Variants in TSPAN6 observed in about 807,000 individuals in gnomAD.
TSPAN6 encodes the protein tetraspanin-6.
TSPAN6 carries 13 observed loss-of-function variants against 18.0 expected under a neutral mutation model. The ratio of observed to expected loss-of-function variants is 0.72; its 90% CI spans 0.47 to 1.15. The LOEUF is 1.15. Among genes scored for constraint, TSPAN6 ranks in the 50% most tolerant of loss-of-function variants. The pLI, the probability that TSPAN6 is intolerant of heterozygous loss-of-function variation, is 0.00. For missense variants in TSPAN6, 186 were observed against 183.9 expected (o/e 1.01, Z -0.07); for synonymous variants, 82 against 67.0 (o/e 1.22, Z -1.09).
intron 7 of TSPAN6, among the ~76,000 whole-genome samples, 189 bp from the exon 8 acceptor site, chrX:100,630,175 C>T (rs190968005): frequency 9.0e-6 from 1 of 111,694 alleles, no homozygotes; most frequent in African/African-American, 3.3e-5. Context: ...AGTATTTTAC[C>T]AGTCAAATAC....
intron 7 of TSPAN6, among the ~76,000 whole-genome samples, chrX:100,630,321 G>A (rs2083050486): frequency 8.9e-6 from 1 of 112,089 alleles, no homozygotes. Context: ...TTAAGATTGT[G>A]GTAAATGAAA....
chrX:100,636,133 G>A, intron 1 of TSPAN6: 2 of 781,936 alleles, frequency 2.6e-6, no homozygotes, highest in Non-Finnish European at 3.1e-6. Flanking sequence ...ACAAAGGACT[G>A]GTACACAAAA....
In TSPAN6 at chrX:100,627,731, G is replaced by A. The variant is rs1405470470; in HGVS notation, c.*2295C>T. On this transcript the variant is annotated 3_prime_UTR_variant, in exon 8 of 8. Coordinates refer to ENST00000373020, the MANE Select transcript of TSPAN6 (RefSeq NM_003270.4). Reference sequence around the variant, plus strand: ...AAATAAACAAACCAATCCACCTGACGAGTGATGTGTGGTGTTTTTCCTCTT... The same window carrying A: ...AAATAAACAAACCAATCCACCTGACAAGTGATGTGTGGTGTTTTTCCTCTT... 3.6e-5 allele frequency: 4 copies of A among 111,532 alleles called. No individual in the cohort carries two copies. The East Asian group carries it at 8.4e-4, about 23-fold the overall frequency. The allele number at this position is 111,532 out of a possible 1,213,427, so 9.2% of individuals were successfully genotyped here. A position where few individuals can be genotyped will look rare whatever the true frequency, so the allele number is the denominator to read the frequency against.
At chrX:100,632,124 G>A in intron 6 of TSPAN6, 2 of 155,989 alleles carry the variant, frequency 1.3e-5, no homozygotes, top group Non-Finnish European at 2.4e-5. Flanking sequence ...TGAAAATCTC[G>A]CTGCATGCAG....
intron 3 of TSPAN6, among the ~76,000 whole-genome samples, chrX:100,634,522 C>T (rs1184804578): frequency 1.8e-5 from 2 of 109,756 alleles, no homozygotes; most frequent in Non-Finnish European, 3.8e-5. Flanking sequence ...GATGGAGTCT[C>T]GCTCTGCTGC....
In TSPAN6 at chrX:100,636,742, A is replaced by G. The variant is rs1223209647; in HGVS notation, c.-48T>C. On this transcript the variant is annotated 5_prime_UTR_variant, in exon 1 of 8. Coordinates refer to ENST00000373020, the MANE Select transcript of TSPAN6 (RefSeq NM_003270.4). ...ACCGCACCGGGCGATTGGAACACAG[A>G]GAGCGAGACGCGGAGTCCCCGAGTC... 8.7e-7 allele frequency: 1 copy of G among 1,151,195 alleles called. No homozygotes were observed. The highest frequency in any genetic ancestry group is 3.2e-5 in the East Asian group (1 of 31,507). 94.9% of individuals were successfully genotyped at this position (1,151,195 alleles called of 1,213,427 possible). A position where few individuals can be genotyped will look rare whatever the true frequency, so the allele number is the denominator to read the frequency against.
rs770427652 is a variant in TSPAN6, at chrX:100,629,857, T to C, written c.*169A>G. 1.4e-4 allele frequency: 39 copies of C among 282,165 alleles called. No homozygotes were observed. Among genetic ancestry groups the C allele is most frequent in the African/African-American group, 1.1e-3 (37 of 34,235 alleles). 23.3% of individuals were successfully genotyped at this position (282,165 alleles called of 1,213,427 possible). A position where few individuals can be genotyped will look rare whatever the true frequency, so the allele number is the denominator to read the frequency against. ...GATCTTGATTGAATCAGCCTATTGG[T>C]GTAGTTTTAGGTCTACATACATCTT... On this transcript the variant is annotated 3_prime_UTR_variant, in exon 8 of 8. Coordinates refer to ENST00000373020, the MANE Select transcript of TSPAN6 (RefSeq NM_003270.4).
At chrX:100,634,568 T>C (rs769695264) in intron 3 of TSPAN6, among the ~76,000 whole-genome samples, 1 of 110,642 alleles carries the variant, frequency 9.0e-6, no homozygotes, top group Admixed American at 9.7e-5. Context: ...CTCGGCTCAC[T>C]GCAAGCTCCA....
At chrX:100,635,889 G>A (rs1569354264) in intron 1 of TSPAN6, 143 bp from the exon 2 acceptor site, 1 of 433,076 alleles carries the variant, frequency 2.3e-6, no homozygotes, top group Non-Finnish European at 3.6e-6. Context: ...AAGGGGTTAG[G>A]GGGGGATCTG....
rs772323091 is a variant in TSPAN6 at position 100,630,785 on chromosome X, C to G, written c.*13G>C. On this transcript the variant is annotated 3_prime_UTR_variant, in exon 7 of 8. Transcript: ENST00000373020. ...TTAAAGGTAGAGAGGAATAGGCCCA[C>G]AGATACATTGGGTTACACTATCTCA... 1 of 1,208,594 alleles carries G rather than the reference C, an allele frequency of 8.3e-7. No individual in the cohort carries two copies. The highest frequency in any genetic ancestry group is 1.1e-6 in the Non-Finnish European group (1 of 893,279).
Position 100,635,172 on chromosome X carries a change from G to T in TSPAN6, c.351+6C>A, listed in dbSNP as rs2083085746. ...AACATGCTAAGCTTCCCTAATTCAG[G>T]CTTACCTCATGTCTGAAAACAAATC... On this transcript the variant is annotated splice_donor_region_variant and intron_variant, in intron 3 of 7. Coordinates refer to ENST00000373020, the MANE Select transcript of TSPAN6 (RefSeq NM_003270.4). The T allele has an allele frequency of 8.4e-7, 1 of 1,184,949 alleles. No individual in the cohort carries two copies. Among genetic ancestry groups the T allele is most frequent in the African/African-American group, 1.8e-5 (1 of 56,620 alleles).
intron 7 of TSPAN6, 73 bp downstream of exon 7, chrX:100,630,686 T>TA: frequency 1.3e-6 from 1 of 752,775 alleles, no homozygotes; most frequent in Non-Finnish European, 1.9e-6. Flanking sequence ...TTGGCAAACT[T>TA]AGTCCATGCA....
chrX:100,635,870 G>GA (rs750281402), intron 1 of TSPAN6, 124 bp from the exon 2 acceptor site: 1 of 500,772 alleles, frequency 2.0e-6, no homozygotes, highest in Admixed American at 5.0e-5. Flanking sequence ...AGACAAGGGG[G>GA]AAGAGTAGAA....
At chrX:100,631,905 T>C (rs1041469748) in intron 6 of TSPAN6, among the ~76,000 whole-genome samples, 3 of 111,201 alleles carry the variant, frequency 2.7e-5, no homozygotes, top group African/African-American at 9.8e-5. Flanking sequence ...AGTTCTGGGA[T>C]ACATGTGCAG....
chrX:100,634,653 G>A (rs1034544147), intron 3 of TSPAN6, among the ~76,000 whole-genome samples: 1 of 110,159 alleles, frequency 9.1e-6, no homozygotes, highest in Non-Finnish European at 1.9e-5. Flanking sequence ...CACCACGCCC[G>A]GCTAATTTTT....
chrX:100,634,617 G>C (rs1003841651), intron 3 of TSPAN6, among the ~76,000 whole-genome samples: 1 of 109,649 alleles, frequency 9.1e-6, no homozygotes, highest in Non-Finnish European at 1.9e-5. Flanking sequence ...TCAGCCTCCC[G>C]AGCAGCTGGG....
chrX:100,631,252 A>G (rs764973655), intron 6 of TSPAN6, among the ~76,000 whole-genome samples: 1 of 112,459 alleles, frequency 8.9e-6, no homozygotes, highest in Non-Finnish European at 1.9e-5. Flanking sequence ...CAGCAATGCT[A>G]CAATAATGAA....
At position 100,629,905 on chromosome X, in the gene TSPAN6, A is replaced by T; in HGVS notation, c.*121T>A. 1 of 618,395 alleles carries T rather than the reference A, an allele frequency of 1.6e-6. No homozygotes were observed. Among genetic ancestry groups the T allele is most frequent in the Non-Finnish European group, 1.9e-6 (1 of 515,185 alleles). 51.0% of individuals were successfully genotyped at this position (618,395 alleles called of 1,213,427 possible). ...CTTGATTGAATCAACCTACTGGTGT[A>T]GTTTTTTGGTCTATCAGTAAGTAGT... On this transcript the variant is annotated 3_prime_UTR_variant, in exon 8 of 8. Transcript: ENST00000373020.
chrX:100,634,034 A>G lies in TSPAN6; in HGVS notation c.352-5T>C. ...ATTCTTAAAGCTGTTCTTAATCTAT[A>G]GCAAAGAAACACAATGTCAGTAAGA... On this transcript the variant is annotated splice_polypyrimidine_tract_variant and splice_region_variant and intron_variant, in intron 3 of 7. Coordinates refer to ENST00000373020, the MANE Select transcript of TSPAN6 (RefSeq NM_003270.4). 1 of 1,158,287 alleles carries G rather than the reference A, an allele frequency of 8.6e-7. No individual in the cohort carries two copies. Among genetic ancestry groups the G allele is most frequent in the South Asian group, 1.8e-5 (1 of 54,767 alleles).
Sources: gnomAD v4.1 joint callset for allele counts (sites outside exome capture counted in the v4.1 genomes callset) on GRCh38, gnomAD v4.1.1 for gene constraint, MANE v1.5 for transcripts, NCBI Gene and HGNC (gene_info 2026-07-23, HGNC 2026-07-21) for gene names.